BRIP1: variants seen among roughly 807,000 people sequenced by gnomAD.
BRIP1 encodes the protein Fanconi anemia group J protein.
BRIP1 carries 88 observed loss-of-function variants against 119.7 expected under a neutral mutation model. The observed-to-expected ratio is 0.74, with a 90% confidence interval of 0.62 to 0.88. The LOEUF is 0.88. Among genes scored for constraint, BRIP1 ranks in the 40% least tolerant of loss-of-function variants. BRIP1 has a pLI of 0.00. For synonymous variants in BRIP1, 443 were observed against 496.5 expected, an observed-to-expected ratio of 0.89 and a Z score of 1.43; for missense variants, 1,259 against 1,455.4, an observed-to-expected ratio of 0.87 and a Z score of 2.20.
intron 14 of BRIP1, among the ~76,000 whole-genome samples, chr17:61,772,857 A>T (rs902390964): frequency 1.3e-4 from 20 of 148,394 alleles, no homozygotes; most frequent in Non-Finnish European, 2.1e-4. Context: ...AAATTTTGTT[A>T]TGCATGTTTC....
chr17:61,811,956 A>T (rs1396390571), intron 6 of BRIP1, among the ~76,000 whole-genome samples: 3 of 152,148 alleles, frequency 2.0e-5, no homozygotes, highest in Non-Finnish European at 2.9e-5. Context: ...CATCTCAAAA[A>T]ATAAATAAAT....
chr17:61,851,687 T>C lies in BRIP1; in HGVS notation c.380-2431A>G, dbSNP rs919081083. Among the ~76,000 whole-genome samples the C allele has an allele frequency of 1.3e-5, 2 of 152,210 alleles. No individual in the cohort carries two copies. Among genetic ancestry groups the C allele is most frequent in the Admixed American group, 1.3e-4 (2 of 15,282 alleles). On this transcript the variant is annotated intron_variant, in intron 4 of 19. Coordinates refer to ENST00000259008, the MANE Select transcript of BRIP1 (RefSeq NM_032043.3). This position sits in a 1 kb window ranked among gnomAD's most constrained non-coding sequence, Gnocchi z 4.6. ...ACACACAATAAATCCGTATATTTGG[T>C]GGATCAAATCTCTCACCTTGACCTG...
rs927545735 is a variant in BRIP1 at position 61,729,079 on chromosome 17, G to A, written c.2380-13016C>T. On this transcript the variant is annotated intron_variant, in intron 16 of 19. Coordinates refer to ENST00000259008, the MANE Select transcript of BRIP1 (RefSeq NM_032043.3). This position sits in a 1 kb window ranked among gnomAD's most constrained non-coding sequence, Gnocchi z 5.6. ...GCGGATCTTCTGAGGTCGGGAGTTC[G>A]AGACCAGCCTGACCAACATAGAGAC... 7.2e-5 allele frequency among the ~76,000 whole-genome samples: 11 copies of A among 151,984 alleles called. No homozygotes were observed. The highest frequency in any genetic ancestry group is 1.0e-4 in the Non-Finnish European group (7 of 67,970).
rs547811313 is a variant in BRIP1, at chr17:61,842,116, T to C, written c.627+4985A>G. Among the ~76,000 whole-genome samples, 1 of 152,296 alleles carries C rather than the reference T, an allele frequency of 6.6e-6. No homozygotes were observed. The highest frequency in any genetic ancestry group is 3.4e-3 in the Middle Eastern group (1 of 294). ...AATATTATTCAGCCATAGAAAAATA[T>C]TGAAACCTTGTTATTTGCAGCAACA... is the stretch of plus-strand genomic sequence containing the variant. On this transcript the variant is annotated intron_variant, in intron 6 of 19. Transcript: ENST00000259008. This position sits in a 1 kb window ranked among gnomAD's most constrained non-coding sequence, Gnocchi z 5.1.
At position 61,780,391 on chromosome 17, in the gene BRIP1, T is replaced by A; in HGVS notation, c.1805A>T (p.Asp602Val). ...AATGGTCTGAACTTTGCCATTAATA[T>A]CTGAAAAGGCCTAAAAGAAAACAAC... ...WCLNPAVAFSDINGKVQTIVL... is the reference protein window; with the variant it reads ...WCLNPAVAFSVINGKVQTIVL... Residue 602 changes from aspartate (D) to valine (V), a missense_variant, in exon 13 of 20, where the codon GAT (aspartate) becomes GTT (valine). By Grantham distance (152) the Asp-to-Val change is radical. Transcript: ENST00000259008. This position sits in a 1 kb window ranked among gnomAD's most constrained non-coding sequence, Gnocchi z 5.4. The A allele has an allele frequency of 6.2e-7, 1 of 1,610,052 alleles. No individual in the cohort carries two copies. The highest frequency in any genetic ancestry group is 1.1e-5 in the South Asian group (1 of 90,966).
Position 61,713,819 on chromosome 17 carries a change from C to T in BRIP1, c.2492+2132G>A, listed in dbSNP as rs1009189143. On this transcript the variant is annotated intron_variant, in intron 17 of 19. Transcript: ENST00000259008. The surrounding 1 kb of genome is among the most constrained non-coding windows in gnomAD (Gnocchi z 4.9). ...TACAGGCTTCAGCTATTGCGCTCCC[C>T]ATGTCTTCATTTTTAACAGAAAAGT... 6.6e-6 allele frequency among the ~76,000 whole-genome samples: 1 copy of T among 151,686 alleles called. No homozygotes were observed. The highest frequency in any genetic ancestry group is 6.6e-5 in the Admixed American group (1 of 15,212).
chr17:61,790,424 T>TA (rs2077797446), intron 10 of BRIP1, among the ~76,000 whole-genome samples: 1 of 151,888 alleles, frequency 6.6e-6, no homozygotes, highest in Non-Finnish European at 1.5e-5. Flanking sequence ...CGCATGCCTG[T>TA]AATCCCAGCT....
Position 61,770,686 on chromosome 17 carries a change from T to C in BRIP1, c.2097+5715A>G, listed in dbSNP as rs1471525623. Among the ~76,000 whole-genome samples, 1 of 151,970 alleles carries C rather than the reference T, an allele frequency of 6.6e-6. No homozygotes were observed. On this transcript the variant is annotated intron_variant, in intron 14 of 19. Coordinates refer to ENST00000259008, the MANE Select transcript of BRIP1 (RefSeq NM_032043.3). The surrounding 1 kb of genome is among the most constrained non-coding windows in gnomAD (Gnocchi z 4.7). ...CATTCTATTGAAAATTAAATTAGTA[T>C]TAATCCAAACTACATAAGATGTTAA...
rs2077297329 is a variant in BRIP1 at position 61,762,841 on chromosome 17, A to C, written c.2097+13560T>G. 6.6e-6 allele frequency among the ~76,000 whole-genome samples: 1 copy of C among 152,176 alleles called. No individual in the cohort carries two copies. Among genetic ancestry groups the C allele is most frequent in the South Asian group, 2.1e-4 (1 of 4,836 alleles). ...CATTACTCAAAACACTCAAAACAGA[A>C]TTACCTTATGATCTAGCAATCTCAC... On this transcript the variant is annotated intron_variant, in intron 14 of 19. Coordinates refer to ENST00000259008, the MANE Select transcript of BRIP1 (RefSeq NM_032043.3). This position sits in a 1 kb window ranked among gnomAD's most constrained non-coding sequence, Gnocchi z 4.3.
chr17:61,834,315 T>A lies in BRIP1; in HGVS notation c.627+12786A>T, dbSNP rs1051073389. Among the ~76,000 whole-genome samples the A allele has an allele frequency of 6.6e-6, 1 of 152,132 alleles. No individual in the cohort carries two copies. Among genetic ancestry groups the A allele is most frequent in the African/African-American group, 2.4e-5 (1 of 41,432 alleles). On this transcript the variant is annotated intron_variant, in intron 6 of 19. Coordinates refer to ENST00000259008, the MANE Select transcript of BRIP1 (RefSeq NM_032043.3). This position sits in a 1 kb window ranked among gnomAD's most constrained non-coding sequence, Gnocchi z 4.4. ...CAAATATATGTAATATATACTACAG[T>A]ATCAACCCCTTTACAGGGGTTGAGC... is the stretch of plus-strand genomic sequence containing the variant.
chr17:61,716,856 G>A (rs1283127247), intron 16 of BRIP1, among the ~76,000 whole-genome samples: 3 of 19,670 alleles, frequency 1.5e-4, no homozygotes, highest in African/African-American at 2.9e-4. Flanking sequence ...CTTTGTGTGT[G>A]TGTGACTCCT....
chr17:61,847,014 A>T, intron 6 of BRIP1, 87 bp downstream of exon 6: 1 of 1,527,876 alleles, frequency 6.5e-7, no homozygotes, highest in Non-Finnish European at 9.0e-7. Flanking sequence ...CCTTTGTATT[A>T]TACTATTGTT....
intron 6 of BRIP1, among the ~76,000 whole-genome samples, chr17:61,820,438 A>G (rs1174615691): frequency 6.6e-6 from 1 of 152,224 alleles, no homozygotes; most frequent in Non-Finnish European, 1.5e-5. Context: ...GGTTTCTTCT[A>G]GAAAAACTGG....
At chr17:61,721,510 C>T (rs951474915) in intron 16 of BRIP1, among the ~76,000 whole-genome samples, 2 of 151,608 alleles carry the variant, frequency 1.3e-5, no homozygotes, top group African/African-American at 4.8e-5. Context: ...ACCTCGTGAT[C>T]CACCCGCCTC....
Position 61,761,725 on chromosome 17 carries a change from G to T in BRIP1, c.2097+14676C>A, listed in dbSNP as rs185534165. ...AACCAAGGTGAAGAAAGGCTTGTAC[G>T]CTGAAATCTATAAAATGTTGATGAG... On this transcript the variant is annotated intron_variant, in intron 14 of 19. Transcript: ENST00000259008. The surrounding 1 kb of genome is among the most constrained non-coding windows in gnomAD (Gnocchi z 6.4). 1.8e-4 allele frequency among the ~76,000 whole-genome samples: 27 copies of T among 151,946 alleles called. No homozygotes were observed. The highest frequency in any genetic ancestry group is 6.5e-4 in the African/African-American group (27 of 41,510).
intron 16 of BRIP1, among the ~76,000 whole-genome samples, chr17:61,737,350 A>G (rs796862764): frequency 3.9e-5 from 6 of 152,328 alleles, no homozygotes; most frequent in African/African-American, 1.4e-4. Flanking sequence ...ATATAAGGAA[A>G]TTGGACCTCA....
intron 17 of BRIP1, among the ~76,000 whole-genome samples, chr17:61,697,995 G>A (rs561022257): frequency 1.1e-4 from 17 of 152,074 alleles, no homozygotes; most frequent in South Asian, 4.2e-4. Context: ...TAGTAGAGAC[G>A]GGGTTTCACC....
At position 61,824,578 on chromosome 17, in the gene BRIP1, C is replaced by A. The variant is rs574731875; in HGVS notation, c.628-15821G>T. ...AATGGGAAAAGAACAGTTTTTTCAA[C>A]AAATGGTGCAGGGAAACCTGGATAT... On this transcript the variant is annotated intron_variant, in intron 6 of 19. Transcript: ENST00000259008. The surrounding 1 kb of genome is among the most constrained non-coding windows in gnomAD (Gnocchi z 4.3). Among the ~76,000 whole-genome samples, 5 of 150,708 alleles carry A rather than the reference C, an allele frequency of 3.3e-5. No homozygotes were observed. The East Asian group carries it at 9.9e-4, about 30-fold the overall frequency.
Position 61,861,328 on chromosome 17 carries a change from T to A in BRIP1, c.93+119A>T. ...CCCAGAGGTTAGATATTCTTCCAAG[T>A]GAACCCAGAAAATATTCTCCATTTA... On this transcript the variant is annotated intron_variant, in intron 2 of 19. Transcript: ENST00000259008. The surrounding 1 kb of genome is among the most constrained non-coding windows in gnomAD (Gnocchi z 4.5). 1.3e-6 allele frequency: 1 copy of A among 754,016 alleles called. No homozygotes were observed. The highest frequency in any genetic ancestry group is 2.3e-6 in the Non-Finnish European group (1 of 430,696). The allele number at this position is 754,016 out of a possible 1,614,324, so 46.7% of individuals were successfully genotyped here.
Sources: allele counts gnomAD v4.1 joint callset (sites outside exome capture counted in the v4.1 genomes callset), GRCh38; gene constraint gnomAD v4.1.1; non-coding constraint Gnocchi (gnomAD v3.1); transcripts MANE v1.5; gene names NCBI Gene and HGNC (gene_info 2026-07-23, HGNC 2026-07-21).